Variants in RNF220 observed in about 807,000 individuals in gnomAD.
RNF220 encodes E3 ubiquitin-protein ligase RNF220.
RNF220 carries 7 observed loss-of-function variants against 67.1 expected under a neutral mutation model. That is an observed-to-expected ratio of 0.10 (90% CI 0.06 to 0.20). The LOEUF (loss-of-function observed/expected upper bound fraction) is 0.20. RNF220 is among the 10% of genes least tolerant of loss of function. The pLI is 1.00. For missense variants in RNF220, 565 were observed against 740.3 expected (o/e 0.76, Z 2.75); for synonymous variants, 270 against 283.2 (o/e 0.95, Z 0.47).
intron 2 of RNF220, among the ~76,000 whole-genome samples, chr1:44,470,851 G>T (rs1207860651): frequency 6.6e-6 from 1 of 152,128 alleles, no homozygotes; most frequent in Non-Finnish European, 1.5e-5. Flanking sequence ...AAAGCTTGCT[G>T]GAAGGATTTC....
At chr1:44,593,469 A>G (rs1286583253) in intron 2 of RNF220, among the ~76,000 whole-genome samples, 1 of 152,236 alleles carries the variant, frequency 6.6e-6, no homozygotes, top group African/African-American at 2.4e-5. Context: ...TCATGTCTGT[A>G]ATCCCAGCAT....
chr1:44,407,656 G>A (rs1647506613), intron 1 of RNF220, among the ~76,000 whole-genome samples: 1 of 152,064 alleles, frequency 6.6e-6, no homozygotes, highest in Non-Finnish European at 1.5e-5. Flanking sequence ...GAGCCGCGCG[G>A]TGTGCGGCGG....
Position 44,644,986 on chromosome 1 carries a change from C to A in RNF220, c.1224-9C>A. The A allele has an allele frequency of 6.2e-7, 1 of 1,613,784 alleles. No homozygotes were observed. Among genetic ancestry groups the A allele is most frequent in the Non-Finnish European group, 8.5e-7 (1 of 1,179,824 alleles). ...AACTAGGATCCATTGTCCTTGACCA[C>A]CATGCCAGATACACAGAGGCTGATG... On this transcript the variant is annotated splice_polypyrimidine_tract_variant and intron_variant, in intron 9 of 14. Coordinates refer to ENST00000361799, the MANE Select transcript of RNF220 (RefSeq NM_018150.4).
At chr1:44,566,486 C>T (rs935070996) in intron 2 of RNF220, among the ~76,000 whole-genome samples, 13 of 152,196 alleles carry the variant, frequency 8.5e-5, no homozygotes, top group African/African-American at 2.9e-4. Flanking sequence ...GGTCTCCATC[C>T]TGGCTGTCAG....
chr1:44,422,418 G>A (rs1250209755), intron 2 of RNF220, among the ~76,000 whole-genome samples: 1 of 152,236 alleles, frequency 6.6e-6, no homozygotes, highest in Admixed American at 6.5e-5. Flanking sequence ...GCTTCATTCA[G>A]ACTGAGCAGC....
chr1:44,416,632 G>A (rs775779255), intron 2 of RNF220, among the ~76,000 whole-genome samples: 2 of 152,220 alleles, frequency 1.3e-5, no homozygotes, highest in Admixed American at 6.5e-5. Flanking sequence ...GGCTGAGAGG[G>A]CCCAGAACTG....
At chr1:44,574,442 C>T (rs1664663213) in intron 2 of RNF220, among the ~76,000 whole-genome samples, 1 of 152,194 alleles carries the variant, frequency 6.6e-6, no homozygotes, top group Non-Finnish European at 1.5e-5. Context: ...TACTTTCTTA[C>T]ACTGTTCTGT....
intron 2 of RNF220, among the ~76,000 whole-genome samples, chr1:44,612,102 C>T (rs1248799276): frequency 1.3e-5 from 2 of 152,220 alleles, no homozygotes; most frequent in African/African-American, 2.4e-5. Context: ...GAGGCACAGC[C>T]ACCTGATCAG....
intron 2 of RNF220, among the ~76,000 whole-genome samples, chr1:44,415,504 T>TATACACAC (rs1553211733): frequency 2.0e-5 from 3 of 150,856 alleles, no homozygotes; most frequent in Admixed American, 6.6e-5. Context: ...ATGGTTGATA[T>TATACACAC]ACACACACAC....
At chr1:44,516,167 C>G (rs1659435807) in intron 2 of RNF220, among the ~76,000 whole-genome samples, 1 of 152,176 alleles carries the variant, frequency 6.6e-6, no homozygotes, top group Admixed American at 6.5e-5. Context: ...TTTAAATAAA[C>G]TGCCTCGTCT....
intron 2 of RNF220, among the ~76,000 whole-genome samples, chr1:44,527,829 G>C (rs1029568273): frequency 4.8e-5 from 7 of 145,296 alleles, no homozygotes; most frequent in Non-Finnish European, 7.5e-5. Context: ...GAGAGGCTGA[G>C]GCAGGAGAAT....
chr1:44,537,566 C>G (rs1277210110), intron 2 of RNF220, among the ~76,000 whole-genome samples: 1 of 152,138 alleles, frequency 6.6e-6, no homozygotes, highest in Non-Finnish European at 1.5e-5. Flanking sequence ...TTTCGTTACC[C>G]TAGGAGTAAA....
At chr1:44,537,064 T>G (rs1661288494) in intron 2 of RNF220, among the ~76,000 whole-genome samples, 1 of 151,766 alleles carries the variant, frequency 6.6e-6, no homozygotes, top group Non-Finnish European at 1.5e-5. Flanking sequence ...ACAAGGGCTT[T>G]ATTATGCTCT....
intron 2 of RNF220, among the ~76,000 whole-genome samples, chr1:44,506,767 G>T (rs950773069): frequency 6.6e-6 from 1 of 152,174 alleles, no homozygotes; most frequent in African/African-American, 2.4e-5. Context: ...TGACTTGCCC[G>T]GTGTGGTAAA....
intron 1 of RNF220, among the ~76,000 whole-genome samples, chr1:44,407,668 C>G (rs1647509545): frequency 6.6e-6 from 1 of 152,000 alleles, no homozygotes; most frequent in African/African-American, 2.4e-5. Flanking sequence ...GTGCGGCGGC[C>G]GGACGGCCGC....
intron 2 of RNF220, among the ~76,000 whole-genome samples, chr1:44,457,966 G>C (rs938114921): frequency 6.6e-6 from 1 of 152,044 alleles, no homozygotes; most frequent in Non-Finnish European, 1.5e-5. Flanking sequence ...CTTTACAATA[G>C]AACAAGAAAG....
intron 1 of RNF220, among the ~76,000 whole-genome samples, chr1:44,411,196 G>A (rs1278312550): frequency 6.6e-6 from 1 of 152,218 alleles, no homozygotes; most frequent in Non-Finnish European, 1.5e-5. Flanking sequence ...GAGAGCGTAT[G>A]CCAAAGGCAC....
intron 2 of RNF220, among the ~76,000 whole-genome samples, chr1:44,613,352 A>G (rs976454314): frequency 7.3e-6 from 1 of 136,340 alleles, no homozygotes; most frequent in African/African-American, 3.0e-5. Context: ...CAGAGCATCC[A>G]TGGATATGCA....
At chr1:44,424,414 CTG>C (rs1179079570) in intron 2 of RNF220, among the ~76,000 whole-genome samples, 1 of 152,108 alleles carries the variant, frequency 6.6e-6, no homozygotes, top group Non-Finnish European at 1.5e-5. Flanking sequence ...AGCCTAAAAA[CTG>C]TGTATTCAGC....
Sources: allele counts gnomAD v4.1 joint callset (sites outside exome capture counted in the v4.1 genomes callset), GRCh38; gene constraint gnomAD v4.1.1; transcripts MANE v1.5; gene names NCBI Gene and HGNC (gene_info 2026-07-23, HGNC 2026-07-21).